The following SUMF1 variants were observed in gnomAD, a reference collection of about 807,000 sequenced individuals.
The protein encoded by SUMF1 is formylglycine-generating enzyme.
A neutral mutation model predicts 47.6 loss-of-function variants in SUMF1; 48 were observed. That is an observed-to-expected ratio of 1.01 (90% CI 0.80 to 1.28). The LOEUF (loss-of-function observed/expected upper bound fraction) is 1.28. Ranked by LOEUF, SUMF1 falls within the 50% of genes most tolerant of loss-of-function variation. The pLI is 0.00. For missense variants in SUMF1, 571 were observed against 485.4 expected, an observed-to-expected ratio of 1.18 and a Z score of -1.66; for synonymous variants, 230 against 192.1, an observed-to-expected ratio of 1.20 and a Z score of -1.63.
intron 2 of SUMF1, among the ~76,000 whole-genome samples, chr3:4,451,825 G>A (rs1473188803): frequency 6.6e-5 from 10 of 152,102 alleles, no homozygotes; most frequent in East Asian, 1.9e-4. Flanking sequence ...CTGGGACTAC[G>A]GGTGCCCGCC....
In SUMF1 at chr3:4,301,472, C is replaced by T. The variant is rs144138656; in HGVS notation, c.1014+74858G>A. ...GGATCTTCAAAGGTCATTGTAGCAG[C>T]GGCAGTAAGGGTGATTTGGGGATAT... On this transcript the variant is annotated intron_variant and NMD_transcript_variant, in intron 8 of 12. Transcript: ENST00000448413. Among the ~76,000 whole-genome samples, 409 of 152,250 alleles carry T rather than the reference C, an allele frequency of 2.7e-3. 3 individuals are homozygous for T. Among genetic ancestry groups the T allele is most frequent in the African/African-American group, 8.9e-3 (371 of 41,530 alleles).
At chr3:4,287,981 TC>T (rs1697668410) in intron 8 of SUMF1, among the ~76,000 whole-genome samples, 1 of 152,232 alleles carries the variant, frequency 6.6e-6, no homozygotes, top group Non-Finnish European at 1.5e-5. Flanking sequence ...CTTCTGCTCA[TC>T]TTTTTAGCTC....
At position 4,077,613 on chromosome 3, in the gene SUMF1, A is replaced by C. The variant is rs141776825; in HGVS notation, c.1015-8868T>G. Among the ~76,000 whole-genome samples, 153 of 152,206 alleles carry C rather than the reference A, an allele frequency of 1.0e-3. 2 individuals carry two copies. The highest frequency in any genetic ancestry group is 3.5e-3 in the African/African-American group (145 of 41,492). Reference sequence around the variant, plus strand: ...TAAGTGGGAGTTCAACAATGAGAGCACATGGACACAGGGAGGGGAACATCA... The same window carrying C: ...TAAGTGGGAGTTCAACAATGAGAGCCCATGGACACAGGGAGGGGAACATCA... On this transcript the variant is annotated intron_variant and NMD_transcript_variant, in intron 8 of 12. Coordinates refer to the SUMF1 transcript ENST00000448413.
At chr3:4,394,059 T>C (rs1035749452) in intron 7 of SUMF1, among the ~76,000 whole-genome samples, 3 of 152,236 alleles carry the variant, frequency 2.0e-5, no homozygotes, top group African/African-American at 7.2e-5. Context: ...TTTGATAATA[T>C]TAAGGAATTA....
intron 8 of SUMF1, among the ~76,000 whole-genome samples, chr3:4,112,874 G>T (rs186924912): frequency 2.0e-4 from 31 of 152,210 alleles, no homozygotes; most frequent in African/African-American, 7.2e-4. Context: ...AGCCCTCATG[G>T]TGCTAGCTAG....
intron 8 of SUMF1, among the ~76,000 whole-genome samples, chr3:4,198,399 G>C (rs1471397419): frequency 6.6e-6 from 1 of 152,088 alleles, no homozygotes; most frequent in Non-Finnish European, 1.5e-5. Flanking sequence ...TTTCAAGATG[G>C]TTCCCAACAG....
intron 8 of SUMF1, among the ~76,000 whole-genome samples, chr3:4,289,937 C>T (rs546708047): frequency 2.0e-5 from 3 of 152,326 alleles, no homozygotes; most frequent in Admixed American, 6.5e-5. Context: ...CATTTCAAAA[C>T]GTCTTCCATA....
intron 8 of SUMF1, chr3:4,313,359 G>A: frequency 6.2e-7 from 1 of 1,613,938 alleles, no homozygotes; most frequent in Non-Finnish European, 8.5e-7. Context: ...GGCAGGTAAT[G>A]GAAACATTTG....
intron 8 of SUMF1, among the ~76,000 whole-genome samples, chr3:4,166,896 GC>G (rs1026982112): frequency 2.0e-4 from 31 of 152,076 alleles, no homozygotes; most frequent in Admixed American, 1.6e-3. Context: ...TGGTTAGAGA[GC>G]CCTTTCCCAG....
intron 1 of SUMF1, among the ~76,000 whole-genome samples, chr3:4,457,482 A>C (rs919769350): frequency 6.6e-6 from 1 of 152,186 alleles, no homozygotes; most frequent in Non-Finnish European, 1.5e-5. Context: ...GTACCACACT[A>C]TCTGACTTCA....
At chr3:4,321,266 C>T (rs1251167124) in intron 8 of SUMF1, among the ~76,000 whole-genome samples, 1 of 151,726 alleles carries the variant, frequency 6.6e-6, no homozygotes, top group Admixed American at 6.6e-5. Context: ...CATATATTTC[C>T]TTTCTTTGTC....
intron 8 of SUMF1, among the ~76,000 whole-genome samples, chr3:4,217,565 G>A (rs1695962215): frequency 1.4e-5 from 1 of 73,828 alleles, no homozygotes; most frequent in Non-Finnish European, 2.9e-5. Context: ...TAGACTAACT[G>A]TGACACCTTC....
intron 8 of SUMF1, among the ~76,000 whole-genome samples, chr3:4,348,608 T>TA (rs1269256954): frequency 6.6e-6 from 1 of 151,840 alleles, no homozygotes; most frequent in African/African-American, 2.4e-5. Context: ...CTCAAGCCTG[T>TA]AATCCCAACA....
intron 8 of SUMF1, among the ~76,000 whole-genome samples, chr3:4,348,466 G>A (rs1699418383): frequency 6.6e-6 from 1 of 152,136 alleles, no homozygotes; most frequent in African/African-American, 2.4e-5. Context: ...GGGAAAACTG[G>A]CTAGCCATAT....
At chr3:4,098,319 A>C (rs1692952059) in intron 8 of SUMF1, among the ~76,000 whole-genome samples, 1 of 152,086 alleles carries the variant, frequency 6.6e-6, no homozygotes, top group African/African-American at 2.4e-5. Flanking sequence ...TATCTCTAAC[A>C]AGGTAGACTC....
chr3:4,180,940 G>T (rs1391606270), intron 8 of SUMF1, among the ~76,000 whole-genome samples: 3 of 151,986 alleles, frequency 2.0e-5, no homozygotes, highest in Non-Finnish European at 4.4e-5. Flanking sequence ...GAGAACACAA[G>T]GAAAAACATG....
At chr3:4,078,709 C>G (rs1159163727) in intron 8 of SUMF1, among the ~76,000 whole-genome samples, 4 of 151,484 alleles carry the variant, frequency 2.6e-5, no homozygotes, top group Non-Finnish European at 4.4e-5. Flanking sequence ...GAATTTGAGT[C>G]CATCCTGGGC....
At chr3:4,334,837 G>A (rs184184967) in intron 8 of SUMF1, among the ~76,000 whole-genome samples, 1 of 152,264 alleles carries the variant, frequency 6.6e-6, no homozygotes, top group East Asian at 1.9e-4. Flanking sequence ...AACTATTTTA[G>A]GTCAGACTTT....
intron 8 of SUMF1, among the ~76,000 whole-genome samples, chr3:4,287,124 T>C (rs9834522): frequency 0.02 from 3,037 of 152,298 alleles, 117 homozygotes; most frequent in African/African-American, 0.069. Context: ...GTGTGCTATA[T>C]GTTCCTGAGT....
Sources: gnomAD v4.1 joint callset for allele counts (sites outside exome capture counted in the v4.1 genomes callset) on GRCh38, gnomAD v4.1.1 for gene constraint, MANE v1.5 for transcripts, NCBI Gene and HGNC (gene_info 2026-07-23, HGNC 2026-07-21) for gene names.